The following LRBA variants were observed in gnomAD, a reference collection of about 807,000 sequenced individuals.
LRBA encodes lipopolysaccharide-responsive and beige-like anchor protein.
A neutral mutation model predicts 330.0 loss-of-function variants in LRBA; 176 were observed. The ratio of observed to expected loss-of-function variants is 0.53; its 90% CI spans 0.47 to 0.60. The LOEUF (loss-of-function observed/expected upper bound fraction) is 0.60, where lower values mean the gene tolerates loss of function less well. Among genes scored for constraint, LRBA ranks in the 20% least tolerant of loss-of-function variants. LRBA has a pLI of 0.00. For missense variants in LRBA, 3,259 were observed against 3,444.8 expected, an observed-to-expected ratio of 0.95 and a Z score of 1.35; for synonymous variants, 1,230 against 1,193.0, an observed-to-expected ratio of 1.03 and a Z score of -0.64.
chr4:150,462,804 C>A (rs1754948604), intron 44 of LRBA, among the ~76,000 whole-genome samples: 1 of 151,892 alleles, frequency 6.6e-6, no homozygotes, highest in South Asian at 2.1e-4. Flanking sequence ...ACAATGTTTT[C>A]TAAGATTTCA....
intron 22 of LRBA, among the ~76,000 whole-genome samples, chr4:150,857,438 T>C (rs767355332): frequency 1.7e-4 from 26 of 152,220 alleles, no homozygotes; most frequent in Admixed American, 5.2e-4. Context: ...TTTTCATTTT[T>C]AAAACAGTCA....
At chr4:150,677,818 AAAAG>A (rs1561505060) in intron 37 of LRBA, among the ~76,000 whole-genome samples, 1 of 60,408 alleles carries the variant, frequency 1.7e-5, no homozygotes, top group African/African-American at 5.3e-5. Context: ...AAAAAAAAGA[AAAAG>A]AAAAAGAAAA....
At chr4:150,895,558 T>A (rs1729974521) in intron 16 of LRBA, among the ~76,000 whole-genome samples, 1 of 152,186 alleles carries the variant, frequency 6.6e-6, no homozygotes, top group Non-Finnish European at 1.5e-5. Context: ...CTTGCAATAG[T>A]TTGCTGAGAA....
chr4:150,963,602 G>A (rs1738446353), intron 2 of LRBA, among the ~76,000 whole-genome samples: 1 of 149,612 alleles, frequency 6.7e-6, no homozygotes, highest in Admixed American at 6.6e-5. Context: ...CTGCCCGGCT[G>A]CCACCCCATA....
At chr4:150,710,337 T>C (rs986497416) in intron 36 of LRBA, among the ~76,000 whole-genome samples, 6 of 152,100 alleles carry the variant, frequency 3.9e-5, no homozygotes, top group African/African-American at 1.2e-4. Context: ...CAGGGGAATA[T>C]ACAGTTTTAG....
At chr4:150,427,772 G>GT (rs999996901) in intron 46 of LRBA, among the ~76,000 whole-genome samples, 1 of 151,870 alleles carries the variant, frequency 6.6e-6, no homozygotes, top group African/African-American at 2.4e-5. Context: ...AATCATCGAA[G>GT]TTTAAGTTTT....
At chr4:150,935,333 T>C (rs1464244056) in intron 2 of LRBA, among the ~76,000 whole-genome samples, 1 of 152,146 alleles carries the variant, frequency 6.6e-6, no homozygotes, top group Non-Finnish European at 1.5e-5. Flanking sequence ...ATAACATTCA[T>C]AAGTTTTCCT....
At chr4:150,266,049 C>T (rs1046571434) in intron 56 of LRBA, among the ~76,000 whole-genome samples, 12 of 152,108 alleles carry the variant, frequency 7.9e-5, no homozygotes, top group Non-Finnish European at 7.3e-5. Flanking sequence ...TGAAAGGGTA[C>T]GGACAGCTGG....
chr4:150,746,920 T>C (rs1425835939), intron 35 of LRBA, among the ~76,000 whole-genome samples: 1 of 152,164 alleles, frequency 6.6e-6, no homozygotes, highest in Non-Finnish European at 1.5e-5. Flanking sequence ...CTTCTTTCCA[T>C]GAGTCTTACT....
chr4:150,352,343 T>C (rs1737289471), intron 47 of LRBA, among the ~76,000 whole-genome samples: 1 of 152,176 alleles, frequency 6.6e-6, no homozygotes, highest in Admixed American at 6.6e-5. Context: ...GAAATGTTTA[T>C]AGCTAAATAC....
intron 47 of LRBA, among the ~76,000 whole-genome samples, chr4:150,363,644 C>G (rs1739031830): frequency 6.6e-6 from 1 of 152,164 alleles, no homozygotes. Context: ...GAATGAATGA[C>G]TATATCGCTT....
At chr4:150,625,935 C>T (rs976413106) in intron 37 of LRBA, among the ~76,000 whole-genome samples, 5 of 151,740 alleles carry the variant, frequency 3.3e-5, no homozygotes, top group African/African-American at 1.2e-4. Flanking sequence ...GTCTTGAACT[C>T]CTGACCTCAG....
At chr4:150,893,793 A>T (rs1371358081) in intron 16 of LRBA, among the ~76,000 whole-genome samples, 1 of 151,980 alleles carries the variant, frequency 6.6e-6, no homozygotes, top group African/African-American at 2.4e-5. Context: ...CTCCTGCCTC[A>T]GCTTCCCAAG....
At chr4:150,402,532 T>C (rs1190090837) in intron 47 of LRBA, among the ~76,000 whole-genome samples, 1 of 152,118 alleles carries the variant, frequency 6.6e-6, no homozygotes, top group Non-Finnish European at 1.5e-5. Context: ...CGGCATTTAA[T>C]ACAATAAAAA....
chr4:150,947,001 A>G (rs1736320620), intron 2 of LRBA, among the ~76,000 whole-genome samples: 1 of 151,942 alleles, frequency 6.6e-6, no homozygotes, highest in Non-Finnish European at 1.5e-5. Flanking sequence ...ATTCCTCAAA[A>G]CTGGAAGCTA....
At chr4:150,306,455 A>G (rs1332337411) in intron 52 of LRBA, among the ~76,000 whole-genome samples, 1 of 152,210 alleles carries the variant, frequency 6.6e-6, no homozygotes, top group Non-Finnish European at 1.5e-5. Flanking sequence ...AACTGAAATT[A>G]TTTTAAATAA....
At chr4:150,463,703 C>T (rs1755068572) in intron 44 of LRBA, among the ~76,000 whole-genome samples, 1 of 151,880 alleles carries the variant, frequency 6.6e-6, no homozygotes. Context: ...TCCTTAGGTA[C>T]AGCTGTAATA....
rs1732329213 is a variant in LRBA at position 150,914,307 on chromosome 4, G to A, written c.1049C>T (p.Thr350Ile). 1.3e-6 allele frequency: 2 copies of A among 1,578,986 alleles called. No homozygotes were observed. Among genetic ancestry groups the A allele is most frequent in the South Asian group, 1.2e-5 (1 of 84,310 alleles). Reference sequence around the variant, plus strand: ...ACAGAATACTCTATTAGCATCTGCTGTTTCTGATGAGCCCAGGAAACATTT... The same window carrying A: ...ACAGAATACTCTATTAGCATCTGCTATTTCTGATGAGCCCAGGAAACATTT... ...FDKCFLGSSE[T>I]ADANRVFCGQ... Residue 350 changes from threonine to isoleucine, a missense_variant, in exon 9 of 57, where the codon ACA becomes ATA. Thr to Ile is a moderately conservative substitution (Grantham distance 89). Coordinates refer to ENST00000651943, the MANE Select transcript of LRBA (RefSeq NM_001364905.1).
intron 37 of LRBA, among the ~76,000 whole-genome samples, chr4:150,643,508 A>G (rs1445038036): frequency 6.6e-6 from 1 of 151,834 alleles, no homozygotes; most frequent in African/African-American, 2.4e-5. Flanking sequence ...TGTAAGCTAT[A>G]TTGACATTTG....
Sources: allele counts gnomAD v4.1 joint callset (sites outside exome capture counted in the v4.1 genomes callset), GRCh38; gene constraint gnomAD v4.1.1; transcripts MANE v1.5; gene names NCBI Gene and HGNC (gene_info 2026-07-23, HGNC 2026-07-21).